The following HS2ST1 variants were observed in gnomAD, a reference collection of about 807,000 sequenced individuals.
The protein encoded by HS2ST1 is 2-O-sulfotransferase.
Under a neutral mutation model 42.9 loss-of-function variants are expected in HS2ST1, and 18 were observed. The observed-to-expected ratio is 0.42, with a 90% CI of 0.29 to 0.62. The LOEUF is 0.62. HS2ST1 is among the 20% of genes least tolerant of loss of function. The pLI is 0.21. For synonymous variants in HS2ST1, 146 were observed against 152.9 expected (o/e 0.95, Z 0.33); for missense variants, 334 against 433.8 (o/e 0.77, Z 2.04).
Position 87,108,329 on chromosome 1 carries a change from C to T in HS2ST1, c.*3633C>T, listed in dbSNP as rs1043293989. 6.6e-6 allele frequency: 1 copy of T among 152,052 alleles called. No individual in the cohort carries two copies. The highest frequency in any genetic ancestry group is 1.5e-5 in the Non-Finnish European group (1 of 67,964). 9.4% of individuals were successfully genotyped at this position (152,052 alleles called of 1,614,324 possible). A position where few individuals can be genotyped will look rare whatever the true frequency, so the allele number is the denominator to read the frequency against. On this transcript the variant is annotated 3_prime_UTR_variant, in exon 7 of 7. Transcript: ENST00000370550. The stretch of plus-strand genomic sequence containing the variant: ...TTCCATTGGTCATTCCCAAACACAC[C>T]TATGGTCCTAGAATCCTTAAGAGAA...
intron 1 of HS2ST1, among the ~76,000 whole-genome samples, chr1:87,026,766 G>C (rs1213191325): frequency 1.3e-5 from 2 of 151,760 alleles, no homozygotes; most frequent in East Asian, 3.9e-4. Flanking sequence ...CATAAAACTA[G>C]GGTCTTCAAT....
At chr1:86,958,156 G>A (rs972268744) in intron 1 of HS2ST1, among the ~76,000 whole-genome samples, 1 of 152,136 alleles carries the variant, frequency 6.6e-6, no homozygotes, top group Non-Finnish European at 1.5e-5. Context: ...GGGCATCAGC[G>A]CCTCTGCTGC....
intron 1 of HS2ST1, among the ~76,000 whole-genome samples, chr1:86,948,226 A>G (rs753812739): frequency 1.7e-4 from 26 of 152,200 alleles, no homozygotes; most frequent in Admixed American, 3.3e-4. Context: ...CAGTATAAGA[A>G]GTATATTTTT....
intron 1 of HS2ST1, among the ~76,000 whole-genome samples, chr1:86,970,649 C>T (rs1325767842): frequency 6.6e-6 from 1 of 152,164 alleles, no homozygotes; most frequent in African/African-American, 2.4e-5. Context: ...CCTCCTTGGC[C>T]TCCCAAAGTG....
chr1:86,974,821 G>T (rs1648347086), intron 1 of HS2ST1, among the ~76,000 whole-genome samples: 1 of 152,142 alleles, frequency 6.6e-6, no homozygotes, highest in Admixed American at 6.5e-5. Context: ...TCGCATTTTG[G>T]CATGTCTTTA....
Position 86,915,007 on chromosome 1 carries a change from G to T in HS2ST1, c.-30G>T. The T allele has an allele frequency of 6.2e-7, 1 of 1,613,310 alleles. No homozygotes were observed. The highest frequency in any genetic ancestry group is 8.5e-7 in the Non-Finnish European group (1 of 1,179,856). ...CGGGGTCCCGCTCCCCGCCCCCCGCGGTATGTCTTGATCCCGAGCAGCGGG... is the reference window on the plus strand; with the variant it reads ...CGGGGTCCCGCTCCCCGCCCCCCGCTGTATGTCTTGATCCCGAGCAGCGGG... On this transcript the variant is annotated 5_prime_UTR_variant, in exon 1 of 7. Transcript: ENST00000370550.
At position 87,106,356 on chromosome 1, in the gene HS2ST1, A is replaced by G. The variant is rs1652323797; in HGVS notation, c.*1660A>G. On this transcript the variant is annotated 3_prime_UTR_variant, in exon 7 of 7. Coordinates refer to ENST00000370550, the MANE Select transcript of HS2ST1 (RefSeq NM_012262.4). ...TAGAAATAGGCTTTGTTAGCTGACT[A>G]GGGTCAGGGAAACTTTTCTCTTCAA... 6.6e-6 allele frequency: 1 copy of G among 152,338 alleles called. No homozygotes were observed. Among genetic ancestry groups the G allele is most frequent in the Non-Finnish European group, 1.5e-5 (1 of 67,944 alleles). 9.4% of individuals were successfully genotyped at this position (152,338 alleles called of 1,614,324 possible). A position where few individuals can be genotyped will look rare whatever the true frequency, so the allele number is the denominator to read the frequency against.
At chr1:86,972,927 CTTTGAG>C (rs1341822525) in intron 1 of HS2ST1, among the ~76,000 whole-genome samples, 3 of 152,148 alleles carry the variant, frequency 2.0e-5, no homozygotes, top group Non-Finnish European at 4.4e-5. Context: ...TATGGCTACA[CTTTGAG>C]TTTGTACAAT....
At chr1:87,068,710 C>G (rs1410928422) in intron 1 of HS2ST1, among the ~76,000 whole-genome samples, 1 of 151,966 alleles carries the variant, frequency 6.6e-6, no homozygotes, top group Non-Finnish European at 1.5e-5. Context: ...CCTGGCCAAT[C>G]AATAAACAGT....
At chr1:87,045,266 A>G in intron 1 of HS2ST1, 1 of 1,088,116 alleles carries the variant, frequency 9.2e-7, no homozygotes, top group Non-Finnish European at 1.4e-6. Flanking sequence ...GATGTTGATC[A>G]ATAAAGTATA....
chr1:86,923,599 T>C lies in HS2ST1; in HGVS notation c.124+8439T>C, dbSNP rs182729583. Among the ~76,000 whole-genome samples, 13 of 152,264 alleles carry C rather than the reference T, an allele frequency of 8.5e-5. No homozygotes were observed. In the East Asian group the frequency reaches 2.5e-3, roughly 29 times the overall value. On this transcript the variant is annotated intron_variant, in intron 1 of 6. Coordinates refer to ENST00000370550, the MANE Select transcript of HS2ST1 (RefSeq NM_012262.4). ...TTTTAGTAGAGATGGGGTTTCACTG[T>C]GTTAGCCAGGCTGGTCTTGATCTCC...
intron 1 of HS2ST1, among the ~76,000 whole-genome samples, chr1:86,917,195 A>G (rs1419659607): frequency 6.6e-6 from 1 of 152,186 alleles, no homozygotes; most frequent in Non-Finnish European, 1.5e-5. Flanking sequence ...TTCATCGTAG[A>G]TACTCGTGTT....
rs538235308 is a variant in HS2ST1 at position 87,045,763 on chromosome 1, T to C, written c.125-27171T>C. ...TTCATATTCATACTGAAAATATGCA[T>C]CCTGAGGTTTGTAGCAGAGGTAACA... is the stretch of plus-strand genomic sequence containing the variant. On this transcript the variant is annotated intron_variant, in intron 1 of 6. Coordinates refer to ENST00000370550, the MANE Select transcript of HS2ST1 (RefSeq NM_012262.4). 1.3e-5 allele frequency: 12 copies of C among 923,818 alleles called. No individual in the cohort carries two copies. In the East Asian group the frequency reaches 2.5e-4, roughly 19 times the overall value. The allele number at this position is 923,818 out of a possible 1,614,324, so 57.2% of individuals were successfully genotyped here. A position where few individuals can be genotyped will look rare whatever the true frequency, so the allele number is the denominator to read the frequency against.
chr1:86,973,550 AT>A (rs941624279), intron 1 of HS2ST1, among the ~76,000 whole-genome samples: 25 of 152,194 alleles, frequency 1.6e-4, no homozygotes, highest in African/African-American at 6.0e-4. Context: ...AGGGATAAAT[AT>A]GAAATTCTAG....
intron 1 of HS2ST1, among the ~76,000 whole-genome samples, chr1:86,951,538 C>T (rs1342691252): frequency 2.2e-5 from 3 of 137,734 alleles, no homozygotes; most frequent in Non-Finnish European, 4.9e-5. Context: ...TACTTTATTG[C>T]TAAAAAAAAT....
Position 87,097,218 on chromosome 1 carries a change from A to G in HS2ST1, c.589-620A>G, listed in dbSNP as rs561526989. Among the ~76,000 whole-genome samples, 3 of 152,344 alleles carry G rather than the reference A, an allele frequency of 2.0e-5. No individual in the cohort carries two copies. The South Asian group carries it at 6.2e-4, about 32-fold the overall frequency. On this transcript the variant is annotated intron_variant, in intron 4 of 6. Coordinates refer to ENST00000370550, the MANE Select transcript of HS2ST1 (RefSeq NM_012262.4). ...CTGCTTGATCCACAAATGCTACTTC[A>G]GGAAGTTTTCACTGTAGTTGGAAAG...
At chr1:86,938,335 C>A (rs890047959) in intron 1 of HS2ST1, among the ~76,000 whole-genome samples, 1 of 152,062 alleles carries the variant, frequency 6.6e-6, no homozygotes. Flanking sequence ...GTGGAATTTT[C>A]TAGACTTGAT....
chr1:86,950,312 G>T (rs1647473710), intron 1 of HS2ST1, among the ~76,000 whole-genome samples: 1 of 152,162 alleles, frequency 6.6e-6, no homozygotes. Flanking sequence ...CTTCAAAAAT[G>T]CTAGTAGTTG....
intron 1 of HS2ST1, among the ~76,000 whole-genome samples, chr1:87,030,613 T>A (rs1450450080): frequency 6.6e-6 from 1 of 152,200 alleles, no homozygotes; most frequent in African/African-American, 2.4e-5. Context: ...GTATTTGACT[T>A]AGTAATATTT....
Sources: allele counts gnomAD v4.1 joint callset (sites outside exome capture counted in the v4.1 genomes callset), GRCh38; gene constraint gnomAD v4.1.1; transcripts MANE v1.5; gene names NCBI Gene and HGNC (gene_info 2026-07-23, HGNC 2026-07-21).